The following PIEZO2 variants were observed in gnomAD, a reference collection of about 807,000 sequenced individuals.
PIEZO2 encodes the protein piezo type mechanosensitive ion channel component 2.
A neutral mutation model predicts 337.3 loss-of-function variants in PIEZO2; 172 were observed. The observed-to-expected ratio is 0.51, with a 90% CI of 0.45 to 0.58. The LOEUF (loss-of-function observed/expected upper bound fraction) is 0.58. PIEZO2 is among the 20% of genes least tolerant of loss of function. The pLI is 0.00. For missense variants in PIEZO2, 3,028 were observed against 3,391.3 expected (o/e 0.89, Z 2.66); for synonymous variants, 1,251 against 1,228.5 (o/e 1.02, Z -0.38).
At chr18:11,000,408 A>G (rs896165594) in intron 2 of PIEZO2, among the ~76,000 whole-genome samples, 1 of 152,224 alleles carries the variant, frequency 6.6e-6, no homozygotes, top group Non-Finnish European at 1.5e-5. Context: ...TTATTTAATA[A>G]CTTTTAAAGG....
At chr18:10,958,969 C>G (rs1180426032) in intron 3 of PIEZO2, among the ~76,000 whole-genome samples, 1 of 152,044 alleles carries the variant, frequency 6.6e-6, no homozygotes, top group African/African-American at 2.4e-5. Flanking sequence ...TACCATGACT[C>G]AAAGCTAATA....
chr18:10,774,778 AC>A (rs767625754), intron 18 of PIEZO2, among the ~76,000 whole-genome samples: 19 of 152,244 alleles, frequency 1.2e-4, no homozygotes, highest in Admixed American at 4.6e-4. Flanking sequence ...TAGTAGACAT[AC>A]TGATAGTCTT....
rs1216505466 is a variant in PIEZO2, at chr18:10,854,981, G to A, written c.917+372C>T. Among the ~76,000 whole-genome samples, 2 of 152,078 alleles carry A rather than the reference G, an allele frequency of 1.3e-5. No individual in the cohort carries two copies. Among genetic ancestry groups the A allele is most frequent in the Non-Finnish European group, 2.9e-5 (2 of 68,020 alleles). ...TGTTTCTGACGCTTAATTTGTTCTC[G>A]TATATTAGGCCCATGAAACGCCTTT... is the stretch of plus-strand genomic sequence containing the variant. On this transcript the variant is annotated intron_variant, in intron 7 of 55. Coordinates refer to ENST00000674853, the MANE Select transcript of PIEZO2 (RefSeq NM_001378183.1). This position sits in a 1 kb window ranked among gnomAD's most constrained non-coding sequence, Gnocchi z 4.6.
At chr18:11,014,704 AG>A (rs2036038725) in intron 2 of PIEZO2, among the ~76,000 whole-genome samples, 11 of 128,346 alleles carry the variant, frequency 8.6e-5, no homozygotes, top group East Asian at 2.7e-4. Flanking sequence ...ACAGCGATCC[AG>A]GGCCCCCCTC....
At chr18:10,883,584 C>T (rs908125069) in intron 4 of PIEZO2, among the ~76,000 whole-genome samples, 1 of 152,150 alleles carries the variant, frequency 6.6e-6, no homozygotes, top group African/African-American at 2.4e-5. Flanking sequence ...CAGACATCAT[C>T]TCACATACTT....
At position 10,878,906 on chromosome 18, in the gene PIEZO2, GT is replaced by G. The variant is rs2042338046; in HGVS notation, c.330-7492del. On this transcript the variant is annotated intron_variant, in intron 4 of 55. Coordinates refer to ENST00000674853, the MANE Select transcript of PIEZO2 (RefSeq NM_001378183.1). This position sits in a 1 kb window ranked among gnomAD's most constrained non-coding sequence, Gnocchi z 4.3. ...CGTGGCTGCTGGTAGTGCAGGTGGT[GT>G]TTTCACAATGAGTGTCAGGTGTGGT... Among the ~76,000 whole-genome samples the G allele has an allele frequency of 6.6e-6, 1 of 152,192 alleles. No homozygotes were observed. Among genetic ancestry groups the G allele is most frequent in the Non-Finnish European group, 1.5e-5 (1 of 68,034 alleles).
At chr18:11,040,508 T>C (rs887539393) in intron 2 of PIEZO2, among the ~76,000 whole-genome samples, 2 of 152,192 alleles carry the variant, frequency 1.3e-5, no homozygotes, top group African/African-American at 4.8e-5. Context: ...AGGGGATGTT[T>C]TGTTGCTGTT....
chr18:10,752,002 G>C (rs1941544), intron 28 of PIEZO2, among the ~76,000 whole-genome samples: 48,664 of 151,780 alleles, frequency 0.32, 8,434 homozygotes, highest in East Asian at 0.47. Context: ...TGCGGGTTGT[G>C]GGGGGGGAGG....
intron 51 of PIEZO2, among the ~76,000 whole-genome samples, chr18:10,680,937 A>G (rs745392756): frequency 3.3e-5 from 5 of 152,236 alleles, no homozygotes; most frequent in South Asian, 2.1e-4. Flanking sequence ...TATAGACAAG[A>G]GAATAACATC....
Position 11,035,063 on chromosome 18 carries a change from G to A in PIEZO2, c.160+31064C>T, listed in dbSNP as rs2036877583. 6.6e-6 allele frequency among the ~76,000 whole-genome samples: 1 copy of A among 152,146 alleles called. No individual in the cohort carries two copies. Among genetic ancestry groups the A allele is most frequent in the Non-Finnish European group, 1.5e-5 (1 of 68,024 alleles). The stretch of plus-strand genomic sequence containing the variant: ...AGCAACCCCAGTTCCCAAATGCATG[G>A]CAAGCTCATTCACTTTCGAAATCAA... On this transcript the variant is annotated intron_variant, in intron 2 of 55. Coordinates refer to ENST00000674853, the MANE Select transcript of PIEZO2 (RefSeq NM_001378183.1). The surrounding 1 kb of genome is among the most constrained non-coding windows in gnomAD (Gnocchi z 4.3).
chr18:10,936,959 C>A (rs758177628), intron 3 of PIEZO2, among the ~76,000 whole-genome samples: 1 of 152,146 alleles, frequency 6.6e-6, no homozygotes, highest in Admixed American at 6.5e-5. Context: ...TCTTCCCTTA[C>A]GGTCCTGGAG....
chr18:11,023,964 C>T (rs1449002526), intron 2 of PIEZO2, among the ~76,000 whole-genome samples: 2 of 152,192 alleles, frequency 1.3e-5, no homozygotes, highest in African/African-American at 2.4e-5. Flanking sequence ...GAGCCCACGC[C>T]CACCCGTAAC....
chr18:10,734,214 T>C (rs148888646), intron 35 of PIEZO2, among the ~76,000 whole-genome samples: 16 of 152,298 alleles, frequency 1.1e-4, no homozygotes, highest in Admixed American at 1.0e-3. Context: ...ATGGTAGTCA[T>C]AGAAAATAAA....
chr18:10,893,728 T>G (rs2042818108), intron 4 of PIEZO2: 1 of 152,238 alleles, frequency 6.6e-6, no homozygotes, highest in Admixed American at 6.5e-5. Flanking sequence ...CATCATTTAT[T>G]ATAGTTGTTA....
In PIEZO2 at chr18:10,894,972, A is replaced by T. The variant is rs762064401; in HGVS notation, c.329+16214T>A. The stretch of plus-strand genomic sequence containing the variant: ...GATGTTAGATGTCTGCAGATCCCAC[A>T]ATCCCTCCCTCTCTTTCCTGAGATG... On this transcript the variant is annotated intron_variant, in intron 4 of 55. Transcript: ENST00000674853. This position sits in a 1 kb window ranked among gnomAD's most constrained non-coding sequence, Gnocchi z 4.1. Among the ~76,000 whole-genome samples, 1 of 152,208 alleles carries T rather than the reference A, an allele frequency of 6.6e-6. No individual in the cohort carries two copies. The highest frequency in any genetic ancestry group is 1.5e-5 in the Non-Finnish European group (1 of 68,048).
intron 1 of PIEZO2, among the ~76,000 whole-genome samples, chr18:11,121,689 T>A (rs896189925): frequency 6.6e-6 from 1 of 152,216 alleles, no homozygotes; most frequent in African/African-American, 2.4e-5. Context: ...TTCATTTGAA[T>A]TCCAAAAGAT....
intron 36 of PIEZO2, among the ~76,000 whole-genome samples, chr18:10,721,789 T>C (rs2036321667): frequency 6.6e-6 from 1 of 152,168 alleles, no homozygotes; most frequent in African/African-American, 2.4e-5. Flanking sequence ...TGAATCATCT[T>C]AATAAACTGG....
At position 10,766,384 on chromosome 18, in the gene PIEZO2, C is replaced by A. The variant is rs373331621; in HGVS notation, c.2947-3286G>T. Among the ~76,000 whole-genome samples the A allele has an allele frequency of 1.3e-5, 2 of 152,098 alleles. No individual in the cohort carries two copies. Among genetic ancestry groups the A allele is most frequent in the African/African-American group, 4.8e-5 (2 of 41,422 alleles). On this transcript the variant is annotated intron_variant, in intron 21 of 55. Coordinates refer to ENST00000674853, the MANE Select transcript of PIEZO2 (RefSeq NM_001378183.1). This position sits in a 1 kb window ranked among gnomAD's most constrained non-coding sequence, Gnocchi z 6.1. ...ACAAATACCTGGGCCACAACCAACA[C>A]CTGATGAATTAGAATTTTAGGGAAA... is the stretch of plus-strand genomic sequence containing the variant.
At chr18:11,093,650 A>G (rs181611182) in intron 1 of PIEZO2, among the ~76,000 whole-genome samples, 26 of 141,032 alleles carry the variant, frequency 1.8e-4, no homozygotes, top group Admixed American at 9.7e-4. Context: ...GCAGTGGCGC[A>G]ATCTCGGCTC....
Sources: allele counts gnomAD v4.1 joint callset (sites outside exome capture counted in the v4.1 genomes callset), GRCh38; gene constraint gnomAD v4.1.1; non-coding constraint Gnocchi (gnomAD v3.1); transcripts MANE v1.5; gene names NCBI Gene and HGNC (gene_info 2026-07-23, HGNC 2026-07-21).